The following MTMR14 variants were observed in gnomAD, a reference collection of about 807,000 sequenced individuals.
MTMR14 encodes the protein phosphatidylinositol-3,5-bisphosphate 3-phosphatase MTMR14.
MTMR14 carries 48 observed loss-of-function variants against 86.3 expected under a neutral mutation model. The observed-to-expected ratio is 0.56, with a 90% CI of 0.44 to 0.71. The LOEUF is 0.71. MTMR14 is among the 30% of genes least tolerant of loss of function. The pLI is 0.00. For synonymous variants in MTMR14, 366 were observed against 326.1 expected (o/e 1.12, Z -1.32); for missense variants, 780 against 834.6 (o/e 0.93, Z 0.81).
intron 2 of MTMR14, among the ~76,000 whole-genome samples, chr3:9,661,857 T>G (rs1236433964): frequency 6.6e-6 from 1 of 151,726 alleles, no homozygotes; most frequent in Non-Finnish European, 1.5e-5. Flanking sequence ...GAGGCCGAGG[T>G]GGGCGGATCG....
chr3:9,701,976 A>C lies in MTMR14; in HGVS notation c.*3A>C, dbSNP rs200455420. Reference sequence around the variant, plus strand: ...GCATCAGCAGCAATGCCTTGTGAAGAAGCCAGCCCATGACATTTTCCTGCT... The same window carrying C: ...GCATCAGCAGCAATGCCTTGTGAAGCAGCCAGCCCATGACATTTTCCTGCT... On this transcript the variant is annotated 3_prime_UTR_variant, in exon 19 of 19. Coordinates refer to ENST00000296003, the MANE Select transcript of MTMR14 (RefSeq NM_001077525.3). This position sits in a 1 kb window ranked among gnomAD's most constrained non-coding sequence, Gnocchi z 4.2. The C allele has an allele frequency of 3.7e-6, 6 of 1,614,114 alleles. No homozygotes were observed. The highest frequency in any genetic ancestry group is 5.1e-6 in the Non-Finnish European group (6 of 1,180,040).
intron 9 of MTMR14, 118 bp downstream of exon 9, chr3:9,678,176 AG>A: frequency 1.0e-6 from 1 of 954,248 alleles, no homozygotes; most frequent in Non-Finnish European, 1.6e-6. Flanking sequence ...TTGTGCACTC[AG>A]ATGCCTTTGG....
At position 9,701,075 on chromosome 3, in the gene MTMR14, G is replaced by T. The variant is rs375210066; in HGVS notation, c.1770-715G>T. The T allele has an allele frequency of 2.0e-3, 310 of 152,724 alleles. 3 individuals are homozygous for T. Among genetic ancestry groups the T allele is most frequent in the East Asian group, 0.013 (70 of 5,194 alleles). 9.5% of individuals were successfully genotyped at this position (152,724 alleles called of 1,614,324 possible). On this transcript the variant is annotated intron_variant, in intron 18 of 18. Transcript: ENST00000296003. The surrounding 1 kb of genome is among the most constrained non-coding windows in gnomAD (Gnocchi z 4.2). ...CTGCCTCGGCCTCCCAAAGTGCTGGGATTACAGCCAAGGCTGAGGACTTTC... is the reference window on the plus strand; with the variant it reads ...CTGCCTCGGCCTCCCAAAGTGCTGGTATTACAGCCAAGGCTGAGGACTTTC...
chr3:9,674,941 A>C (rs1174180412), intron 7 of MTMR14, among the ~76,000 whole-genome samples: 1 of 152,198 alleles, frequency 6.6e-6, no homozygotes, highest in Admixed American at 6.5e-5. Context: ...GAGAAACCCT[A>C]TCTCTACTAA....
chr3:9,656,143 C>G (rs1306999994), intron 2 of MTMR14, among the ~76,000 whole-genome samples: 1 of 151,910 alleles, frequency 6.6e-6, no homozygotes, highest in Non-Finnish European at 1.5e-5. Context: ...TGCACTGAGC[C>G]AAGATCGAAC....
intron 17 of MTMR14, among the ~76,000 whole-genome samples, chr3:9,696,235 C>T (rs959301082): frequency 1.3e-5 from 2 of 152,230 alleles, no homozygotes; most frequent in African/African-American, 2.4e-5. Context: ...CACTGGCTCA[C>T]GCCTGTAATC....
At chr3:9,658,142 C>G (rs1345740289) in intron 2 of MTMR14, among the ~76,000 whole-genome samples, 2 of 152,086 alleles carry the variant, frequency 1.3e-5, no homozygotes, top group Non-Finnish European at 2.9e-5. Flanking sequence ...TGGGTGATGC[C>G]TGCTTGTTGA....
At chr3:9,685,427 G>A (rs2075909308) in intron 13 of MTMR14, among the ~76,000 whole-genome samples, 180 bp downstream of exon 13, 1 of 152,166 alleles carries the variant, frequency 6.6e-6, no homozygotes, top group Non-Finnish European at 1.5e-5. Flanking sequence ...GTAGCTCTGT[G>A]TTCTGGGCCT....
intron 12 of MTMR14, 79 bp downstream of exon 12, chr3:9,685,043 G>A: frequency 6.6e-7 from 1 of 1,517,834 alleles, no homozygotes; most frequent in South Asian, 1.1e-5. Flanking sequence ...TCCCTTGACA[G>A]GGGCTGGAGG....
At chr3:9,688,411 G>A (rs551820583) in intron 14 of MTMR14, among the ~76,000 whole-genome samples, 11 of 152,206 alleles carry the variant, frequency 7.2e-5, no homozygotes, top group Non-Finnish European at 1.5e-4. Flanking sequence ...TTCCTAATCC[G>A]AGCTACAAGC....
intron 10 of MTMR14, chr3:9,683,812 G>T (rs569715534): frequency 2.2e-4 from 34 of 157,070 alleles, no homozygotes; most frequent in African/African-American, 7.7e-4. Context: ...ACAGAGCCAG[G>T]TGAACATCAT....
intron 17 of MTMR14, among the ~76,000 whole-genome samples, chr3:9,695,278 C>G (rs1332324602): frequency 6.6e-6 from 1 of 152,226 alleles, no homozygotes; most frequent in African/African-American, 2.4e-5. Flanking sequence ...TCCTGCTTAG[C>G]ATGGCCCTTT....
At position 9,702,294 on chromosome 3, in the gene MTMR14, C is replaced by A; in HGVS notation, c.*321C>A. On this transcript the variant is annotated 3_prime_UTR_variant, in exon 19 of 19. Coordinates refer to ENST00000296003, the MANE Select transcript of MTMR14 (RefSeq NM_001077525.3). ...AGCCATGACTTCACAAAGACCCTAC[C>A]TGTCAGTTCTTGTTTCTGGGGAGGA... 2.3e-6 allele frequency: 1 copy of A among 439,902 alleles called. No homozygotes were observed. The highest frequency in any genetic ancestry group is 2.2e-5 in the South Asian group (1 of 45,858). The allele number at this position is 439,902 out of a possible 1,614,324, so 27.2% of individuals were successfully genotyped here.
At chr3:9,685,446 T>G (rs1052221276) in intron 13 of MTMR14, among the ~76,000 whole-genome samples, 199 bp downstream of exon 13, 1 of 152,146 alleles carries the variant, frequency 6.6e-6, no homozygotes, top group Non-Finnish European at 1.5e-5. Flanking sequence ...CTCGCGGGCC[T>G]GTGCTGTGGA....
intron 2 of MTMR14, among the ~76,000 whole-genome samples, chr3:9,658,409 C>T (rs2047731311): frequency 6.6e-6 from 1 of 152,182 alleles, no homozygotes; most frequent in South Asian, 2.1e-4. Context: ...CAACAGTGTT[C>T]GTTCAGCTGC....
chr3:9,690,567 G>A (rs2076107566), intron 17 of MTMR14, among the ~76,000 whole-genome samples: 1 of 152,236 alleles, frequency 6.6e-6, no homozygotes, highest in Non-Finnish European at 1.5e-5. Context: ...TGAGCTACAT[G>A]TGTGTGGCTG....
chr3:9,660,678 T>C (rs1353962821), intron 2 of MTMR14, among the ~76,000 whole-genome samples: 1 of 152,230 alleles, frequency 6.6e-6, no homozygotes, highest in Non-Finnish European at 1.5e-5. Flanking sequence ...CACTGATTTC[T>C]TCCTTCTGGG....
intron 2 of MTMR14, 100 bp from the exon 3 acceptor site, chr3:9,662,167 T>C: frequency 2.4e-6 from 2 of 816,920 alleles, no homozygotes; most frequent in South Asian, 2.8e-5. Flanking sequence ...GCAAGCATTA[T>C]GTACACAGAT....
intron 3 of MTMR14, among the ~76,000 whole-genome samples, chr3:9,663,610 T>A (rs1392182883): frequency 1.4e-5 from 2 of 139,158 alleles, no homozygotes; most frequent in African/African-American, 5.2e-5. Context: ...GCCTCCCGGG[T>A]TCACGCCATT....
Sources: allele counts gnomAD v4.1 joint callset (sites outside exome capture counted in the v4.1 genomes callset), GRCh38; gene constraint gnomAD v4.1.1; non-coding constraint Gnocchi (gnomAD v3.1); transcripts MANE v1.5; gene names NCBI Gene and HGNC (gene_info 2026-07-23, HGNC 2026-07-21).